Variants in TRIM10 observed in about 807,000 individuals in gnomAD.
TRIM10 encodes the protein tripartite motif-containing protein 10.
TRIM10 carries 42 observed loss-of-function variants against 40.0 expected under a neutral mutation model. The observed-to-expected ratio is 1.05, with a 90% CI of 0.82 to 1.36. The LOEUF (loss-of-function observed/expected upper bound fraction) is 1.36. Among genes scored for constraint, TRIM10 ranks in the 40% most tolerant of loss-of-function variants. TRIM10 has a pLI of 0.00. For missense variants in TRIM10, 601 were observed against 608.3 expected (o/e 0.99, Z 0.13); for synonymous variants, 260 against 239.5 (o/e 1.09, Z -0.79).
upstream of TRIM10, chr6:30,163,939 G>C (rs1002106446): frequency 2.5e-6 from 4 of 1,613,022 alleles, no homozygotes; most frequent in African/African-American, 2.7e-5. Context: ...ACTGCGAGGA[G>C]CACGGCGAGA....
rs114405037 is a variant in TRIM10, at chr6:30,158,647, A to G, written c.526-18T>C. The G allele has an allele frequency of 0.017, 26,682 of 1,608,520 alleles. 358 individuals carry two copies. The highest frequency in any genetic ancestry group is 0.047 in the African/African-American group (3,499 of 74,908). ...ACCTGAGTCTGAGGGGGCAGGAGGC[A>G]AGCCCAAGAGAAAGTTTGCTTCCTC... On this transcript the variant is annotated intron_variant, in intron 2 of 6. Transcript: ENST00000449742.
intron 3 of TRIM10, among the ~76,000 whole-genome samples, chr6:30,157,653 TTTTC>T: frequency 1.9e-5 from 2 of 106,296 alleles, no homozygotes; most frequent in African/African-American, 7.5e-5. Flanking sequence ...GCCTGGCTAA[TTTTC>T]TTTTTTTTTT....
At chr6:30,155,083 C>T (rs4713298) in intron 6 of TRIM10, among the ~76,000 whole-genome samples, 1 of 152,120 alleles carries the variant, frequency 6.6e-6, no homozygotes. Context: ...CAGAGCCTTG[C>T]GTTTTGTTAC....
chr6:30,162,995 CGAACCCCAAAG>C, upstream of TRIM10, among the ~76,000 whole-genome samples: 1 of 151,830 alleles, frequency 6.6e-6, no homozygotes, highest in East Asian at 1.9e-4. Flanking sequence ...CAGTGTTACC[CGAACCCCAAAG>C]GGGACTGTTG....
At chr6:30,156,768 C>T in intron 5 of TRIM10, 171 bp downstream of exon 5, 1 of 705,674 alleles carries the variant, frequency 1.4e-6, no homozygotes, top group East Asian at 2.7e-5. Context: ...TCTTCATTGT[C>T]ACAATATCCT....
At chr6:30,161,795 A>C (rs1487331292), upstream of TRIM10, among the ~76,000 whole-genome samples, 3 of 152,354 alleles carry the variant, frequency 2.0e-5, no homozygotes, top group South Asian at 2.1e-4. Context: ...ACGCAAAGTG[A>C]GCCACATATG....
chr6:30,154,193 C>A lies in TRIM10; in HGVS notation c.1222G>T (p.Ala408Ser). ...PEEGVWAVRL[A>S]WGFVSALGSF... is the part of the protein sequence containing the mutation. Reference sequence around the variant, plus strand: ...CCCAGAGCCGAGACGAAGCCCCAAGCCAGCCTCACAGCCCACACCCCCTCC... The same window carrying A: ...CCCAGAGCCGAGACGAAGCCCCAAGACAGCCTCACAGCCCACACCCCCTCC... The change falls in exon 7 of 7, where the codon GCT becomes TCT. Residue 408 changes from alanine (A) to serine (S), a missense_variant. Coordinates refer to ENST00000449742, the MANE Select transcript of TRIM10 (RefSeq NM_006778.4). 1 of 1,612,002 alleles carries A rather than the reference C, an allele frequency of 6.2e-7. No individual in the cohort carries two copies. The highest frequency in any genetic ancestry group is 8.5e-7 in the Non-Finnish European group (1 of 1,179,194).
At position 30,158,456 on chromosome 6, in the gene TRIM10, A is replaced by C. The variant is rs902340625; in HGVS notation, c.699T>G (p.Ser233Arg). The C allele has an allele frequency of 6.2e-7, 1 of 1,612,978 alleles. No homozygotes were observed. Among genetic ancestry groups the C allele is most frequent in the African/African-American group, 1.3e-5 (1 of 74,926 alleles). Residue 233 changes from serine to arginine, a missense_variant, in exon 3 of 7, where the codon AGT becomes AGG. By Grantham distance (110) the Ser-to-Arg change is moderately radical (BLOSUM62 -1). Coordinates refer to ENST00000449742, the MANE Select transcript of TRIM10 (RefSeq NM_006778.4). ...LLVAGEICRF[S>R]ALIEELEEKN... The stretch of plus-strand genomic sequence containing the variant: ...TCTCCTCCAGTTCTTCAATAAGAGC[A>C]CTAAACCGGCAGATCTCCCCAGCAA...
upstream of TRIM10, chr6:30,163,762 G>A (rs1205166137): frequency 6.2e-7 from 1 of 1,612,928 alleles, no homozygotes; most frequent in East Asian, 2.2e-5. Context: ...TGGAGGATGC[G>A]GTGACCATTC....
upstream of TRIM10, chr6:30,163,696 C>G (rs939938100): frequency 6.2e-7 from 1 of 1,607,790 alleles, no homozygotes; most frequent in African/African-American, 1.3e-5. Flanking sequence ...TGCCCGCAAC[C>G]CCGTCCCTGA....
rs1335591127 is a variant in TRIM10 at position 30,153,744 on chromosome 6, C to T, written c.*225G>A. On this transcript the variant is annotated 3_prime_UTR_variant, in exon 7 of 7. Transcript: ENST00000449742. ...GGTGGTGAGCAGAACTGGCAGCAGC[C>T]TGAGTCCCCAGGTACCCTGGCCATC... is the stretch of plus-strand genomic sequence containing the variant. 6.2e-7 allele frequency: 1 copy of T among 1,613,080 alleles called. No homozygotes were observed. The highest frequency in any genetic ancestry group is 1.1e-5 in the South Asian group (1 of 91,080).
At position 30,159,177 on chromosome 6, in the gene TRIM10, T is replaced by C; in HGVS notation, c.498A>G (p.Arg166=). Residue 166 remains arginine (R), a synonymous_variant, in exon 2 of 7, where the codon AGA becomes AGG. Transcript: ENST00000449742. ...EREEIQEIQS[R]ENKRMQVLLT... Reference sequence around the variant, plus strand: ...GGAGGACTTGCATCCTTTTATTTTCTCTTGACTGGATTTCTTGAATCTCCT... The same window carrying C: ...GGAGGACTTGCATCCTTTTATTTTCCCTTGACTGGATTTCTTGAATCTCCT... 6.2e-7 allele frequency: 1 copy of C among 1,612,104 alleles called. No individual in the cohort carries two copies. The highest frequency in any genetic ancestry group is 8.5e-7 in the Non-Finnish European group (1 of 1,179,154).
upstream of TRIM10, chr6:30,163,624 G>C: frequency 1.3e-6 from 2 of 1,528,358 alleles, no homozygotes; most frequent in Non-Finnish European, 1.8e-6. Flanking sequence ...CTCGATTTCA[G>C]GGAAAGGGAA....
Position 30,154,452 on chromosome 6 carries a change from GGGGTGGGAAGTCTGA to G in TRIM10, c.948_962del (p.Gln317_Pro321del), listed in dbSNP as rs767635782. On this transcript the variant is annotated inframe_deletion, in exon 7 of 7. Coordinates refer to ENST00000449742, the MANE Select transcript of TRIM10 (RefSeq NM_006778.4). ...GGTGGTCCTCGGACAAGAGGAGCTT[GGGGTGGGAAGTCTGA>G]GGGTCTAGAGAAATGTGAGCTGTGG... The G allele has an allele frequency of 3.7e-6, 6 of 1,612,642 alleles. No individual in the cohort carries two copies. The highest frequency in any genetic ancestry group is 5.1e-6 in the Non-Finnish European group (6 of 1,180,022).
chr6:30,163,363 C>T, upstream of TRIM10: 1 of 452,100 alleles, frequency 2.2e-6, no homozygotes, highest in South Asian at 3.5e-5. Context: ...CTCTGTTCTC[C>T]ACCCTAGGGA....
At chr6:30,155,824 T>C in intron 5 of TRIM10, 65 bp from the exon 6 acceptor site, 10 of 1,497,846 alleles carry the variant, frequency 6.7e-6, no homozygotes, top group African/African-American at 1.4e-5. Context: ...CACTTAATGA[T>C]GAGAAAACTG....
In TRIM10 at chr6:30,152,562, T is replaced by C. The variant is rs752365836; in HGVS notation, c.*1407A>G. 3.3e-5 allele frequency: 5 copies of C among 152,196 alleles called. No homozygotes were observed. The highest frequency in any genetic ancestry group is 5.9e-5 in the Non-Finnish European group (4 of 68,038). The allele number at this position is 152,196 out of a possible 1,614,324, so 9.4% of individuals were successfully genotyped here. A position where few individuals can be genotyped will look rare whatever the true frequency, so the allele number is the denominator to read the frequency against. On this transcript the variant is annotated 3_prime_UTR_variant, in exon 7 of 7. Transcript: ENST00000449742. ...AAGGATGAACAACAGAACTTCTCAA[T>C]TGAATTCTAAGCTTGGGCCTAAGCA...
At position 30,157,034 on chromosome 6, in the gene TRIM10, C is replaced by T. The variant is rs144731721; in HGVS notation, c.800G>A (p.Arg267Gln). 8.0e-3 allele frequency: 12,941 copies of T among 1,613,048 alleles called. 78 individuals are homozygous for T. Among genetic ancestry groups the T allele is most frequent in the Non-Finnish European group, 9.2e-3 (10,873 of 1,180,024 alleles). Residue 267 changes from arginine (R) to glutamine (Q), a missense_variant, in exon 5 of 7, where the codon CGG becomes CAG. Coordinates refer to ENST00000449742, the MANE Select transcript of TRIM10 (RefSeq NM_006778.4). The stretch of plus-strand genomic sequence containing the variant: ...CTCTGGCGACACAGCCACCGGTTTC[C>T]GGCACTTTCTGGTTTCACATCTAGG... ...TLIRCETRKCRKPVAVSPELG... is the reference protein window; with the variant it reads ...TLIRCETRKCQKPVAVSPELG...
Position 30,153,885 on chromosome 6 carries a change from G to GTGAT in TRIM10, c.*80_*83dup, listed in dbSNP as rs1244228910. The GTGAT allele has an allele frequency of 1.7e-5, 27 of 1,589,698 alleles. No individual in the cohort carries two copies. In the Admixed American group the frequency reaches 4.4e-4, roughly 26 times the overall value. ...GTCATTTCTATTCCAAGTCATCCAG[G>GTGAT]TGATTCAGCCAGGGATCAAGTCCAC... On this transcript the variant is annotated 3_prime_UTR_variant, in exon 7 of 7. Transcript: ENST00000449742.
Sources: gnomAD v4.1 joint callset for allele counts (sites outside exome capture counted in the v4.1 genomes callset) on GRCh38, gnomAD v4.1.1 for gene constraint, MANE v1.5 for transcripts, NCBI Gene and HGNC (gene_info 2026-07-23, HGNC 2026-07-21) for gene names.